MOV10L1: variants seen among roughly 807,000 people sequenced by gnomAD.
The protein encoded by MOV10L1 is RNA helicase Mov10l1.
A neutral mutation model predicts 143.8 loss-of-function variants in MOV10L1; 110 were observed. The observed-to-expected ratio is 0.76, with a 90% CI of 0.66 to 0.90. The LOEUF is 0.90. MOV10L1 is among the 40% of genes least tolerant of loss of function. The pLI is 0.00. For synonymous variants in MOV10L1, 593 were observed against 581.1 expected, an observed-to-expected ratio of 1.02 and a Z score of -0.29; for missense variants, 1,406 against 1,526.8, an observed-to-expected ratio of 0.92 and a Z score of 1.32.
chr22:50,121,814 T>C (rs1319970468), intron 10 of MOV10L1, among the ~76,000 whole-genome samples: 2 of 152,254 alleles, frequency 1.3e-5, no homozygotes, highest in African/African-American at 4.8e-5. Flanking sequence ...GATGTTTTGA[T>C]GCTGCAGCTT....
At chr22:50,131,055 C>A (rs2062660700) in intron 13 of MOV10L1, among the ~76,000 whole-genome samples, 1 of 140,662 alleles carries the variant, frequency 7.1e-6, no homozygotes, top group Non-Finnish European at 1.5e-5. Flanking sequence ...CACCACCACG[C>A]CCGGCTAATT....
chr22:50,114,620 C>T lies in MOV10L1; in HGVS notation c.1124C>T (p.Pro375Leu). 1 of 1,613,576 alleles carries T rather than the reference C, an allele frequency of 6.2e-7. No homozygotes were observed. Among genetic ancestry groups the T allele is most frequent in the South Asian group, 1.1e-5 (1 of 91,044 alleles). ...SSLVNNRGIS[P>L]GDCTCKGENG... ...TTGGTGAACAACAGAGGAATCTCTCCAGGTAGTGGACGTTTCGGCTGTCAC... is the reference window on the plus strand; with the variant it reads ...TTGGTGAACAACAGAGGAATCTCTCTAGGTAGTGGACGTTTCGGCTGTCAC... Residue 375 changes from proline to leucine, a missense_variant and splice_region_variant, in exon 7 of 27, where the codon CCA becomes CTA. Transcript: ENST00000262794.
rs2147431397 is a variant in MOV10L1 at position 50,152,174 on chromosome 22, A to G, written c.2893-871A>G. On this transcript the variant is annotated intron_variant, in intron 21 of 26. Transcript: ENST00000262794. This position sits in a 1 kb window ranked among gnomAD's most constrained non-coding sequence, Gnocchi z 4.4. ...TGCAGGAACACAGGTTTTCACCAACAGGGGCTTTGTTAACTCATCCCAAGG... is the reference window on the plus strand; with the variant it reads ...TGCAGGAACACAGGTTTTCACCAACGGGGGCTTTGTTAACTCATCCCAAGG... Among the ~76,000 whole-genome samples the G allele has an allele frequency of 6.6e-6, 1 of 152,330 alleles. No homozygotes were observed. The highest frequency in any genetic ancestry group is 2.4e-5 in the African/African-American group (1 of 41,584).
At chr22:50,101,780 G>A (rs1216679225) in intron 3 of MOV10L1, among the ~76,000 whole-genome samples, 1 of 148,310 alleles carries the variant, frequency 6.7e-6, no homozygotes, top group African/African-American at 2.4e-5. Flanking sequence ...CCAAAGTGCT[G>A]GGATTATAGG....
intron 4 of MOV10L1, 119 bp downstream of exon 4, chr22:50,108,367 A>G (rs756936933): frequency 3.1e-6 from 3 of 974,454 alleles, no homozygotes; most frequent in East Asian, 2.6e-5. Context: ...AAGCTTTGTC[A>G]TGGCCAAAGA....
chr22:50,113,903 AGATC>A, intron 6 of MOV10L1, 115 bp downstream of exon 6: 1 of 843,554 alleles, frequency 1.2e-6, no homozygotes, highest in Non-Finnish European at 1.6e-6. Flanking sequence ...TTCTTTATGA[AGATC>A]TTTTCTTTTT....
intron 2 of MOV10L1, chr22:50,096,153 C>A (rs9617070): frequency 0.23 from 34,240 of 152,148 alleles, 4,194 homozygotes; most frequent in Admixed American, 0.35. Context: ...CTGTCTTCAG[C>A]ACTTTTTCAG....
chr22:50,158,217 C>G lies in MOV10L1; in HGVS notation c.3216+11C>G, dbSNP rs533240051. 7.2e-5 allele frequency: 116 copies of G among 1,613,898 alleles called. No individual in the cohort carries two copies. The South Asian group carries it at 1.3e-3, about 17-fold the overall frequency. On this transcript the variant is annotated intron_variant, in intron 23 of 26. Transcript: ENST00000262794. The surrounding 1 kb of genome is among the most constrained non-coding windows in gnomAD (Gnocchi z 5.0). ...CCCTACCGGAAGCAGGTACGCCCTG[C>G]CCAGGCACGCCTGGTTCTGTGAGGT...
rs766280063 is a variant in MOV10L1, at chr22:50,120,509, AGAC to A, written c.1466_1468del (p.Arg489del). 2 of 1,607,952 alleles carry A rather than the reference AGAC, an allele frequency of 1.2e-6. No individual in the cohort carries two copies. The highest frequency in any genetic ancestry group is 1.3e-5 in the African/African-American group (1 of 74,852). On this transcript the variant is annotated inframe_deletion, in exon 10 of 27. Transcript: ENST00000262794. ...TGAACTTAATTTTTTAAGGAACTCA[AGAC>A]GACAACTTCCAAGTTTTCTTCCCCA...
At chr22:50,138,336 G>A (rs1216226181) in intron 15 of MOV10L1, among the ~76,000 whole-genome samples, 2 of 152,156 alleles carry the variant, frequency 1.3e-5, no homozygotes, top group Admixed American at 1.3e-4. Flanking sequence ...TTGGGAGGCT[G>A]AGATGGGAAA....
At chr22:50,110,978 T>C (rs896695237) in intron 5 of MOV10L1, among the ~76,000 whole-genome samples, 1 of 152,136 alleles carries the variant, frequency 6.6e-6, no homozygotes, top group Non-Finnish European at 1.5e-5. Flanking sequence ...TGTTCTTCTT[T>C]GTGTGCTAGC....
chr22:50,096,640 TTTTC>T (rs2147023321), intron 2 of MOV10L1, among the ~76,000 whole-genome samples: 1 of 152,332 alleles, frequency 6.6e-6, no homozygotes, highest in Non-Finnish European at 1.5e-5. Context: ...ACACTTGCTA[TTTTC>T]TTTTTCTTTT....
At chr22:50,149,580 G>A (rs752526474) in intron 19 of MOV10L1, 35 bp from the exon 20 acceptor site, 16 of 1,604,910 alleles carry the variant, frequency 1.0e-5, no homozygotes, top group East Asian at 2.2e-5. Context: ...AAAACAATTC[G>A]GCAGAAATTA....
In MOV10L1 at chr22:50,161,474, G is replaced by T. The variant is rs761931276; in HGVS notation, c.*25G>T. 1 of 1,563,908 alleles carries T rather than the reference G, an allele frequency of 6.4e-7. No homozygotes were observed. Among genetic ancestry groups the T allele is most frequent in the South Asian group, 1.2e-5 (1 of 85,014 alleles). On this transcript the variant is annotated 3_prime_UTR_variant, in exon 27 of 27. Coordinates refer to ENST00000262794, the MANE Select transcript of MOV10L1 (RefSeq NM_018995.3). Reference sequence around the variant, plus strand: ...ATCTGCAGTGGCTGACAGCAGGGAGGCCATGTGCTCAGCCTGGCCACGTTG... The same window carrying T: ...ATCTGCAGTGGCTGACAGCAGGGAGTCCATGTGCTCAGCCTGGCCACGTTG...
intron 15 of MOV10L1, among the ~76,000 whole-genome samples, chr22:50,137,547 G>GA (rs1210313579): frequency 1.3e-5 from 2 of 151,284 alleles, no homozygotes; most frequent in African/African-American, 2.4e-5. Flanking sequence ...CTCCATCCCA[G>GA]AAAAAAAATT....
At chr22:50,128,323 C>T in intron 12 of MOV10L1, 93 bp from the exon 13 acceptor site, 1 of 730,892 alleles carries the variant, frequency 1.4e-6, no homozygotes, top group Non-Finnish European at 2.4e-6. Flanking sequence ...AATTTTAGCT[C>T]AGAGCTATAG....
intron 9 of MOV10L1, among the ~76,000 whole-genome samples, chr22:50,118,977 C>T (rs1357306675): frequency 8.5e-5 from 13 of 152,090 alleles, no homozygotes; most frequent in Admixed American, 6.6e-4. Flanking sequence ...GGATGTAACC[C>T]AGAAAAGGAG....
At chr22:50,118,738 C>A (rs1267043717) in intron 9 of MOV10L1, among the ~76,000 whole-genome samples, 1 of 152,110 alleles carries the variant, frequency 6.6e-6, no homozygotes. Context: ...GGAGGGAGTT[C>A]GCATGAAACA....
Position 50,115,112 on chromosome 22 carries a change from A to G in MOV10L1, c.1127-2A>G, listed in dbSNP as rs2062134711. The G allele has an allele frequency of 6.4e-7, 1 of 1,565,124 alleles. No homozygotes were observed. The highest frequency in any genetic ancestry group is 8.6e-7 in the Non-Finnish European group (1 of 1,164,832). On this transcript the variant is annotated splice_acceptor_variant, in intron 7 of 26. Transcript: ENST00000262794. LOFTEE classifies it high-confidence loss of function. Reference sequence around the variant, plus strand: ...CTTTTGTATTAAAATTTTATTTCCCAGGTGATTGTACCTGTAAAGGAGAAA... The same window carrying G: ...CTTTTGTATTAAAATTTTATTTCCCGGGTGATTGTACCTGTAAAGGAGAAA...
Sources: gnomAD v4.1 joint callset for allele counts (sites outside exome capture counted in the v4.1 genomes callset) on GRCh38, gnomAD v4.1.1 for gene constraint, Gnocchi (gnomAD v3.1) non-coding constraint, MANE v1.5 for transcripts, NCBI Gene and HGNC (gene_info 2026-07-23, HGNC 2026-07-21) for gene names.